ROBO2: variants seen among roughly 807,000 people sequenced by gnomAD.
ROBO2 encodes roundabout guidance receptor 2, also known as roundabout homolog 2.
In ROBO2, 53 loss-of-function variants were observed where a neutral mutation model predicts 160.8. The ratio of observed to expected loss-of-function variants is 0.33; its 90% confidence interval spans 0.26 to 0.41. The LOEUF (loss-of-function observed/expected upper bound fraction) is 0.41, where lower values mean the gene tolerates loss of function less well. ROBO2 is among the 10% of genes least tolerant of loss of function. ROBO2 has a pLI of 1.00. For missense variants in ROBO2, 1,577 were observed against 1,722.4 expected (o/e 0.92, Z 1.49); for synonymous variants, 664 against 611.7 (o/e 1.09, Z -1.26).
chr3:76,681,591 G>GA (rs1314444171), intron 2 of ROBO2, among the ~76,000 whole-genome samples: 1 of 152,146 alleles, frequency 6.6e-6, no homozygotes, highest in African/African-American at 2.4e-5. Context: ...ACCTAAAGAT[G>GA]AAAGGGAACT....
At chr3:77,612,266 T>G (rs2094660382) in intron 21 of ROBO2, among the ~76,000 whole-genome samples, 1 of 152,328 alleles carries the variant, frequency 6.6e-6, no homozygotes, top group African/African-American at 2.4e-5. Context: ...AAGATGTATA[T>G]CTGTAAAATG....
intron 2 of ROBO2, among the ~76,000 whole-genome samples, chr3:76,142,324 C>G (rs1285965260): frequency 6.6e-6 from 1 of 151,846 alleles, no homozygotes; most frequent in Non-Finnish European, 1.5e-5. Flanking sequence ...GGGTACATAC[C>G]CAAAAGAAAG....
chr3:76,176,333 C>T (rs2073230267), intron 2 of ROBO2, among the ~76,000 whole-genome samples: 2 of 151,700 alleles, frequency 1.3e-5, no homozygotes, highest in African/African-American at 4.9e-5. Flanking sequence ...TATTATTATG[C>T]AGAAAACATA....
chr3:76,870,561 G>C (rs1203140517), intron 2 of ROBO2, among the ~76,000 whole-genome samples: 2 of 152,170 alleles, frequency 1.3e-5, no homozygotes, highest in Non-Finnish European at 2.9e-5. Context: ...CTAAACTACA[G>C]TTTCTCACTA....
intron 2 of ROBO2, among the ~76,000 whole-genome samples, chr3:76,728,618 A>T (rs143589902): frequency 2.6e-4 from 39 of 152,252 alleles, no homozygotes; most frequent in African/African-American, 8.9e-4. Context: ...TATTACAATT[A>T]TGTCCCCCTA....
intron 2 of ROBO2, among the ~76,000 whole-genome samples, chr3:76,303,681 A>G (rs1320634050): frequency 6.6e-6 from 1 of 152,220 alleles, no homozygotes. Flanking sequence ...ATGAAGTAAA[A>G]CACAATCAAC....
intron 2 of ROBO2, among the ~76,000 whole-genome samples, chr3:76,396,056 T>A (rs541455962): frequency 1.3e-5 from 2 of 152,118 alleles, no homozygotes; most frequent in African/African-American, 4.8e-5. Flanking sequence ...TGATGAACAT[T>A]GATGCAAAAA....
At chr3:76,548,900 T>C (rs538889297) in intron 2 of ROBO2, among the ~76,000 whole-genome samples, 2 of 152,166 alleles carry the variant, frequency 1.3e-5, no homozygotes, top group East Asian at 1.9e-4. Flanking sequence ...AGCTCCACCA[T>C]GGATTATAGT....
At chr3:77,135,446 G>A (rs2076204346) in intron 2 of ROBO2, among the ~76,000 whole-genome samples, 1 of 152,044 alleles carries the variant, frequency 6.6e-6, no homozygotes, top group Non-Finnish European at 1.5e-5. Flanking sequence ...TGTCACCCAG[G>A]TTGGAGTGCA....
At chr3:77,487,645 C>T (rs935960923) in intron 4 of ROBO2, among the ~76,000 whole-genome samples, 3 of 152,110 alleles carry the variant, frequency 2.0e-5, no homozygotes, top group African/African-American at 4.8e-5. Flanking sequence ...AGGAGACCTA[C>T]CAGGGCCATC....
chr3:75,933,731 A>T (rs1249184903), intron 1 of ROBO2, among the ~76,000 whole-genome samples: 2 of 152,150 alleles, frequency 1.3e-5, no homozygotes, highest in Non-Finnish European at 2.9e-5. Flanking sequence ...CATCTAGAAG[A>T]TCCACATGAC....
intron 2 of ROBO2, among the ~76,000 whole-genome samples, chr3:76,399,931 G>C (rs140150660): frequency 1.3e-5 from 2 of 151,676 alleles, no homozygotes; most frequent in Non-Finnish European, 3.0e-5. Context: ...CTTTTAGCAA[G>C]AATAAATTCA....
chr3:76,807,274 G>T (rs1023069493), intron 2 of ROBO2, among the ~76,000 whole-genome samples: 1 of 151,994 alleles, frequency 6.6e-6, no homozygotes, highest in Non-Finnish European at 1.5e-5. Flanking sequence ...TGTAGATTTT[G>T]CTTGAAAATG....
chr3:76,377,061 G>A (rs2076383630), intron 2 of ROBO2, among the ~76,000 whole-genome samples: 2 of 152,116 alleles, frequency 1.3e-5, no homozygotes. Flanking sequence ...AACAAAGTAG[G>A]CCCGGGTTGG....
In ROBO2 at chr3:76,476,113, A is replaced by C. The variant is rs372995925; in HGVS notation, c.109+538511A>C. ...GGTTTCAGTGAACTGAGATGATGCC[A>C]CTGCACTCCAGCCTGGGCGACAGAG... On this transcript the variant is annotated intron_variant, in intron 2 of 26. Transcript: ENST00000487694. Among the ~76,000 whole-genome samples the C allele has an allele frequency of 1.4e-4, 21 of 152,318 alleles. No individual in the cohort carries two copies. The East Asian group carries it at 3.7e-3, about 27-fold the overall frequency.
At chr3:77,360,577 C>T (rs1337342292) in intron 2 of ROBO2, among the ~76,000 whole-genome samples, 4 of 151,566 alleles carry the variant, frequency 2.6e-5, no homozygotes, top group South Asian at 2.1e-4. Context: ...AAGCCTTATA[C>T]AAGCACTGAA....
At chr3:77,188,175 A>C (rs2081457693) in intron 2 of ROBO2, among the ~76,000 whole-genome samples, 1 of 151,880 alleles carries the variant, frequency 6.6e-6, no homozygotes, top group African/African-American at 2.4e-5. Flanking sequence ...AAGAGACAGA[A>C]AGATTTGAAA....
intron 2 of ROBO2, among the ~76,000 whole-genome samples, chr3:76,787,838 C>T (rs1009667258): frequency 2.0e-5 from 3 of 151,426 alleles, no homozygotes; most frequent in Non-Finnish European, 4.4e-5. Context: ...GTTGTTTATG[C>T]TGTTAGCAAA....
intron 2 of ROBO2, among the ~76,000 whole-genome samples, chr3:76,649,909 A>G (rs917367898): frequency 7.9e-5 from 12 of 152,144 alleles, no homozygotes; most frequent in Non-Finnish European, 1.5e-4. Context: ...TGATGATTAA[A>G]ACTAGTTTTC....
Sources: gnomAD v4.1 joint callset for allele counts (sites outside exome capture counted in the v4.1 genomes callset) on GRCh38, gnomAD v4.1.1 for gene constraint, MANE v1.5 for transcripts, NCBI Gene and HGNC (gene_info 2026-07-23, HGNC 2026-07-21) for gene names.